The following ADAMTSL1 variants were observed in gnomAD, a reference collection of about 807,000 sequenced individuals.
ADAMTSL1 encodes ADAMTS-like protein 1.
A neutral mutation model predicts 201.8 loss-of-function variants in ADAMTSL1; 126 were observed. The ratio of observed to expected loss-of-function variants is 0.62; its 90% CI spans 0.54 to 0.72. ADAMTSL1 has a LOEUF of 0.72. Among genes scored for constraint, ADAMTSL1 ranks in the 30% least tolerant of loss-of-function variants. ADAMTSL1 has a pLI of 0.00. For missense variants in ADAMTSL1, 2,679 were observed against 2,277.8 expected (o/e 1.18, Z -3.59); for synonymous variants, 1,121 against 903.4 (o/e 1.24, Z -4.32).
chr9:18,644,657 G>A (rs939838399), intron 7 of ADAMTSL1, among the ~76,000 whole-genome samples: 23 of 151,514 alleles, frequency 1.5e-4, no homozygotes, highest in African/African-American at 2.7e-4. Flanking sequence ...TTGTCCTTGC[G>A]ATAGTTTACT....
At chr9:18,372,716 C>T (rs1380988937) in intron 2 of ADAMTSL1, among the ~76,000 whole-genome samples, 1 of 152,156 alleles carries the variant, frequency 6.6e-6, no homozygotes, top group Non-Finnish European at 1.5e-5. Context: ...AAGGCTTGCT[C>T]CCATCTATCG....
intron 1 of ADAMTSL1, among the ~76,000 whole-genome samples, chr9:18,054,306 CT>C (rs1487737680): frequency 2.6e-5 from 4 of 152,194 alleles, no homozygotes; most frequent in Non-Finnish European, 5.9e-5. Flanking sequence ...TGAATTACAG[CT>C]TTTCAATTTT....
chr9:18,380,740 A>C (rs1837522289), intron 2 of ADAMTSL1, among the ~76,000 whole-genome samples: 1 of 152,250 alleles, frequency 6.6e-6, no homozygotes. Flanking sequence ...ATTTAAAAAA[A>C]GAATTTTGTG....
In ADAMTSL1 at chr9:18,910,112, T is replaced by C. The variant is rs1467932331; in HGVS notation, c.*1564T>C. The C allele has an allele frequency of 6.6e-6, 1 of 152,152 alleles. No homozygotes were observed. The highest frequency in any genetic ancestry group is 2.4e-5 in the African/African-American group (1 of 41,416). 9.4% of individuals were successfully genotyped at this position (152,152 alleles called of 1,614,324 possible). On this transcript the variant is annotated 3_prime_UTR_variant, in exon 29 of 29. Coordinates refer to ENST00000380548, the MANE Select transcript of ADAMTSL1 (RefSeq NM_001040272.6). ...GGCTACCATTGACATCAGGGCTGCA[T>C]TTCCAGCCAGCCTGGAAGTAAAATT...
At chr9:18,125,535 CT>C (rs1418776907) in intron 1 of ADAMTSL1, among the ~76,000 whole-genome samples, 2 of 152,088 alleles carry the variant, frequency 1.3e-5, no homozygotes, top group Non-Finnish European at 2.9e-5. Flanking sequence ...CATATGTTTT[CT>C]TCTAAGAGTT....
intron 2 of ADAMTSL1, among the ~76,000 whole-genome samples, chr9:18,251,217 T>G (rs1831452789): frequency 6.6e-6 from 1 of 152,120 alleles, no homozygotes; most frequent in Non-Finnish European, 1.5e-5. Context: ...GAAAACAGAC[T>G]TGGAAGACAT....
chr9:18,105,371 C>T (rs532565826), intron 1 of ADAMTSL1, among the ~76,000 whole-genome samples: 4 of 152,318 alleles, frequency 2.6e-5, no homozygotes, highest in South Asian at 2.1e-4. Context: ...ATCTCTGGAA[C>T]GTCTCTGACA....
At chr9:18,051,482 C>T (rs73645707) in intron 1 of ADAMTSL1, among the ~76,000 whole-genome samples, 9,701 of 151,770 alleles carry the variant, frequency 0.064, 376 homozygotes, top group South Asian at 0.14. Flanking sequence ...ATGGTATCAG[C>T]CCCTAAAGTT....
Position 18,028,414 on chromosome 9 carries a change from T to G in ADAMTSL1, c.87+121492T>G, listed in dbSNP as rs549858161. ...TTATATGAAATTCTTGGTTAGAATTTCTTTTCTTAGAGAATGCTGAAAACA... is the reference window on the plus strand; with the variant it reads ...TTATATGAAATTCTTGGTTAGAATTGCTTTTCTTAGAGAATGCTGAAAACA... On this transcript the variant is annotated intron_variant, in intron 1 of 29. Transcript: ENST00000680146. 3.3e-5 allele frequency among the ~76,000 whole-genome samples: 5 copies of G among 152,268 alleles called. No homozygotes were observed. The South Asian group carries it at 1.0e-3, about 32-fold the overall frequency.
chr9:18,694,886 G>T (rs1449100444), intron 13 of ADAMTSL1, among the ~76,000 whole-genome samples: 13 of 152,222 alleles, frequency 8.5e-5, no homozygotes, highest in African/African-American at 1.9e-4. Context: ...ACAGACTTCT[G>T]CCTTGATTTC....
At position 18,882,991 on chromosome 9, in the gene ADAMTSL1, CAAAAAAA is replaced by C. The variant is rs34408343; in HGVS notation, c.4250-4827_4250-4821del. 2.6e-4 allele frequency among the ~76,000 whole-genome samples: 29 copies of C among 113,710 alleles called. No homozygotes were observed. The East Asian group carries it at 6.0e-3, about 23-fold the overall frequency. The allele number at this position is 113,710 out of a possible 152,430, so 74.6% of individuals were successfully genotyped here. The stretch of plus-strand genomic sequence containing the variant: ...TGAGCAACAGAATGAGAGCCTGCCT[CAAAAAAA>C]AAAAAAAAAAAAGAGGATATAGGTC... On this transcript the variant is annotated intron_variant, in intron 23 of 28. Coordinates refer to ENST00000380548, the MANE Select transcript of ADAMTSL1 (RefSeq NM_001040272.6).
chr9:18,404,587 T>C (rs1300449007), intron 2 of ADAMTSL1, among the ~76,000 whole-genome samples: 1 of 152,222 alleles, frequency 6.6e-6, no homozygotes, highest in Non-Finnish European at 1.5e-5. Context: ...TCAGCTACAG[T>C]TCTCCCAGCC....
chr9:18,597,131 A>G (rs1202326220), intron 4 of ADAMTSL1, among the ~76,000 whole-genome samples: 1 of 152,210 alleles, frequency 6.6e-6, no homozygotes, highest in Non-Finnish European at 1.5e-5. Context: ...GAGTCAATAA[A>G]TCTCTCTGTT....
chr9:18,259,629 C>G (rs1279904525), intron 2 of ADAMTSL1, among the ~76,000 whole-genome samples: 2 of 152,202 alleles, frequency 1.3e-5, no homozygotes, highest in Admixed American at 6.5e-5. Flanking sequence ...CCCTCTCCCC[C>G]CATCACACCT....
At position 17,984,755 on chromosome 9, in the gene ADAMTSL1, C is replaced by T. The variant is rs556697566; in HGVS notation, c.87+77833C>T. Among the ~76,000 whole-genome samples, 7 of 152,146 alleles carry T rather than the reference C, an allele frequency of 4.6e-5. No individual in the cohort carries two copies. In the South Asian group the frequency reaches 1.0e-3, roughly 23 times the overall value. The stretch of plus-strand genomic sequence containing the variant: ...CTTTTGATGGCATCCAGGCATTTTC[C>T]GATCATTTAGACCTTTTCCTTCTTT... On this transcript the variant is annotated intron_variant, in intron 1 of 29. Coordinates refer to the ADAMTSL1 transcript ENST00000680146.
At chr9:18,453,215 G>A (rs1056712063) in intron 2 of ADAMTSL1, among the ~76,000 whole-genome samples, 3 of 152,140 alleles carry the variant, frequency 2.0e-5, no homozygotes, top group African/African-American at 7.2e-5. Flanking sequence ...AGCAAGGGTG[G>A]ATGAGGAGCA....
chr9:18,566,637 T>G (rs1202578847), intron 3 of ADAMTSL1, among the ~76,000 whole-genome samples: 1 of 152,110 alleles, frequency 6.6e-6, no homozygotes, highest in Non-Finnish European at 1.5e-5. Flanking sequence ...GGATGGATAA[T>G]GCATGCATCC....
At chr9:17,994,118 G>A (rs1469043381) in intron 1 of ADAMTSL1, among the ~76,000 whole-genome samples, 1 of 151,722 alleles carries the variant, frequency 6.6e-6, no homozygotes, top group African/African-American at 2.4e-5. Flanking sequence ...GTGTGTGTGT[G>A]TGTTTCTATA....
chr9:17,955,423 T>C (rs1827892775), intron 1 of ADAMTSL1, among the ~76,000 whole-genome samples: 2 of 152,350 alleles, frequency 1.3e-5, no homozygotes, highest in South Asian at 4.1e-4. Context: ...TTTGAAATTC[T>C]AATAAAATTC....
Sources: gnomAD v4.1 joint callset for allele counts (sites outside exome capture counted in the v4.1 genomes callset) on GRCh38, gnomAD v4.1.1 for gene constraint, MANE v1.5 for transcripts, NCBI Gene and HGNC (gene_info 2026-07-23, HGNC 2026-07-21) for gene names.